The following VWA8 variants were observed in gnomAD, a reference collection of about 807,000 sequenced individuals.
VWA8 encodes the protein von Willebrand factor A domain containing 8, also known as von Willebrand factor A domain-containing protein 8.
Under a neutral mutation model 241.5 loss-of-function variants are expected in VWA8, and 221 were observed. The observed-to-expected ratio is 0.91, with a 90% CI of 0.82 to 1.02. The LOEUF (loss-of-function observed/expected upper bound fraction) is 1.02. VWA8 is among the 50% of genes least tolerant of loss of function. The pLI, the probability that VWA8 is intolerant of heterozygous loss-of-function variation, is 0.00. For missense variants in VWA8, 2,322 were observed against 2,328.7 expected (o/e 1.00, Z 0.06); for synonymous variants, 852 against 827.1 (o/e 1.03, Z -0.52).
chr13:41,921,351 G>A (rs1481613291), intron 2 of VWA8, among the ~76,000 whole-genome samples: 1 of 152,144 alleles, frequency 6.6e-6, no homozygotes, highest in Non-Finnish European at 1.5e-5. Flanking sequence ...GGCAAAAACT[G>A]GAAGCATTCC....
chr13:41,849,049 G>C (rs543092268), intron 12 of VWA8, among the ~76,000 whole-genome samples: 70 of 152,320 alleles, frequency 4.6e-4, no homozygotes, highest in Non-Finnish European at 5.6e-4. Flanking sequence ...GTAAAAGATT[G>C]CCTTTTCCTT....
At chr13:41,580,327 T>TC (rs761237208) in intron 42 of VWA8, among the ~76,000 whole-genome samples, 3 of 152,216 alleles carry the variant, frequency 2.0e-5, no homozygotes, top group Non-Finnish European at 1.5e-5. Flanking sequence ...TGGTCCAATC[T>TC]CCATGTAGCA....
In VWA8 at chr13:41,670,938, A is replaced by G. The variant is rs2045017930; in HGVS notation, c.4611+8T>C. ...ACCTCTAAGAGATAAGGTGAATTCA[A>G]ATGGTACCTGCATATTTCTGTCATC... On this transcript the variant is annotated splice_region_variant and intron_variant, in intron 37 of 44. Transcript: ENST00000379310. The G allele has an allele frequency of 6.2e-7, 1 of 1,613,220 alleles. No individual in the cohort carries two copies.
chr13:41,680,662 AC>A (rs1460366508), intron 35 of VWA8, among the ~76,000 whole-genome samples: 1 of 152,216 alleles, frequency 6.6e-6, no homozygotes, highest in African/African-American at 2.4e-5. Flanking sequence ...AAAAGGTTTG[AC>A]CCTTACAAGA....
intron 37 of VWA8, among the ~76,000 whole-genome samples, chr13:41,634,046 C>A (rs1471042568): frequency 3.3e-5 from 5 of 152,130 alleles, no homozygotes; most frequent in African/African-American, 1.2e-4. Flanking sequence ...AGGTTGAGGG[C>A]TTTAGGCAGC....
At chr13:41,611,341 C>T (rs936293137) in intron 39 of VWA8, among the ~76,000 whole-genome samples, 7 of 152,182 alleles carry the variant, frequency 4.6e-5, no homozygotes, top group African/African-American at 9.7e-5. Context: ...AACAGATAGA[C>T]ATGGATGGGG....
At chr13:41,787,343 T>C (rs1466135125) in intron 18 of VWA8, 94 bp downstream of exon 18, 9 of 1,022,106 alleles carry the variant, frequency 8.8e-6, no homozygotes, top group Non-Finnish European at 1.3e-5. Context: ...AAAAACTGTT[T>C]AACTGTTTAT....
At chr13:41,572,776 C>A (rs1327213452) in intron 43 of VWA8, among the ~76,000 whole-genome samples, 1 of 142,700 alleles carries the variant, frequency 7.0e-6, no homozygotes, top group African/African-American at 2.7e-5. Context: ...CGAGAAACAC[C>A]CAAGAATGAT....
intron 19 of VWA8, among the ~76,000 whole-genome samples, chr13:41,782,025 A>G (rs114245695): frequency 1.0e-3 from 153 of 152,358 alleles, no homozygotes; most frequent in African/African-American, 3.4e-3. Flanking sequence ...AAAGGAAGTA[A>G]TAATATACAC....
chr13:41,645,183 A>G (rs935058299), intron 37 of VWA8, among the ~76,000 whole-genome samples: 4 of 152,226 alleles, frequency 2.6e-5, no homozygotes, highest in African/African-American at 9.7e-5. Flanking sequence ...ATTACTTAAG[A>G]TAGTGCCTGG....
intron 2 of VWA8, among the ~76,000 whole-genome samples, chr13:41,916,565 A>G (rs1876266254): frequency 6.6e-6 from 1 of 152,254 alleles, no homozygotes; most frequent in Non-Finnish European, 1.5e-5. Context: ...TACTTCTCAA[A>G]GAAAATCCAA....
At chr13:41,571,578 G>C (rs2139630972) in intron 43 of VWA8, among the ~76,000 whole-genome samples, 1 of 152,290 alleles carries the variant, frequency 6.6e-6, no homozygotes, top group East Asian at 1.9e-4. Context: ...TCCAGCTCCT[G>C]ACTGCGAGTG....
chr13:41,819,160 T>C, intron 15 of VWA8, 58 bp downstream of exon 15: 2 of 1,520,142 alleles, frequency 1.3e-6, no homozygotes, highest in Non-Finnish European at 1.8e-6. Context: ...TGTATCAGAG[T>C]GCCTTAAAAA....
chr13:41,890,215 G>C (rs1874765293), intron 5 of VWA8, among the ~76,000 whole-genome samples: 1 of 152,192 alleles, frequency 6.6e-6, no homozygotes, highest in African/African-American at 2.4e-5. Context: ...ATTATTTAGG[G>C]CCTAGTGTGT....
chr13:41,897,865 C>A (rs1269928930), intron 4 of VWA8, among the ~76,000 whole-genome samples: 1 of 152,128 alleles, frequency 6.6e-6, no homozygotes, highest in Non-Finnish European at 1.5e-5. Context: ...CTGCTGGCTC[C>A]GGCAGCCTGC....
At chr13:41,830,756 A>C (rs1871414871) in intron 13 of VWA8, 114 bp from the exon 14 acceptor site, 2 of 855,364 alleles carry the variant, frequency 2.3e-6, no homozygotes, top group South Asian at 3.6e-5. Flanking sequence ...TGAGTCTAAT[A>C]ATTTTGTTAG....
At chr13:41,727,801 C>T (rs1167026789) in intron 23 of VWA8, among the ~76,000 whole-genome samples, 1 of 152,050 alleles carries the variant, frequency 6.6e-6, no homozygotes, top group East Asian at 1.9e-4. Flanking sequence ...AAACTAAATA[C>T]ATATTAATAG....
chr13:41,699,162 G>C lies in VWA8; in HGVS notation c.3473C>G (p.Pro1158Arg). Reference sequence around the variant, plus strand: ...GTGCCAAACGCCATTGGCTGTTCTTGGGAAGATATCAAAAAAGTCCACAAA... The same window carrying C: ...GTGCCAAACGCCATTGGCTGTTCTTCGGAAGATATCAAAAAAGTCCACAAA... ...GFFVDFFDIF[P>R]RTANGVWHPF... The change falls in exon 29 of 45, where the codon CCA becomes CGA. Residue 1158 changes from proline to arginine, a missense_variant. Transcript: ENST00000379310. The C allele has an allele frequency of 2.5e-6, 4 of 1,614,082 alleles. No individual in the cohort carries two copies. The South Asian group carries it at 4.4e-5, about 18-fold the overall frequency.
At chr13:41,765,159 A>G (rs935814213) in intron 20 of VWA8, among the ~76,000 whole-genome samples, 2 of 151,822 alleles carry the variant, frequency 1.3e-5, no homozygotes, top group African/African-American at 4.8e-5. Flanking sequence ...ACAGGGGAGG[A>G]GAACTGAATT....
Sources: gnomAD v4.1 joint callset for allele counts (sites outside exome capture counted in the v4.1 genomes callset) on GRCh38, gnomAD v4.1.1 for gene constraint, MANE v1.5 for transcripts, NCBI Gene and HGNC (gene_info 2026-07-23, HGNC 2026-07-21) for gene names.